The following NPAS3 variants were observed in gnomAD, a reference collection of about 807,000 sequenced individuals.
NPAS3 encodes neuronal PAS domain protein 3, also known as neuronal PAS domain-containing protein 3.
In NPAS3, 14 loss-of-function variants were observed where a neutral mutation model predicts 73.1. That is an observed-to-expected ratio of 0.19 (90% CI 0.13 to 0.30). The LOEUF (loss-of-function observed/expected upper bound fraction) is 0.30. Ranked by LOEUF, NPAS3 falls within the 10% of genes least tolerant of loss-of-function variation. The probability of loss-of-function intolerance (pLI) is 1.00; values close to 1 mark genes in which losing one functional copy is unlikely to be tolerated. For synonymous variants in NPAS3, 620 were observed against 541.5 expected (o/e 1.14, Z -2.01); for missense variants, 1,096 against 1,250.0 (o/e 0.88, Z 1.86).
chr14:33,795,306 A>G (rs1361033434), intron 10 of NPAS3, among the ~76,000 whole-genome samples: 5 of 152,140 alleles, frequency 3.3e-5, no homozygotes, highest in Non-Finnish European at 7.4e-5. Flanking sequence ...TCTAAAGGTA[A>G]AAGTATGTGT....
chr14:33,576,050 A>G (rs1195393006), intron 5 of NPAS3, among the ~76,000 whole-genome samples: 1 of 152,148 alleles, frequency 6.6e-6, no homozygotes, highest in Non-Finnish European at 1.5e-5. Context: ...TTTTACAAAT[A>G]TTTAAATGGA....
chr14:33,158,247 A>T (rs1458229008), intron 2 of NPAS3, among the ~76,000 whole-genome samples: 2 of 152,138 alleles, frequency 1.3e-5, no homozygotes, highest in Non-Finnish European at 2.9e-5. Flanking sequence ...AGAAAGTTGA[A>T]TTTTTAGGCC....
chr14:33,207,788 A>G (rs1470455327), intron 2 of NPAS3, among the ~76,000 whole-genome samples: 1 of 152,200 alleles, frequency 6.6e-6, no homozygotes, highest in Non-Finnish European at 1.5e-5. Context: ...GCAGAGCCAC[A>G]AAAGCAATTG....
rs559025492 is a variant in NPAS3, at chr14:33,316,669, C to G, written c.386-50517C>G. Among the ~76,000 whole-genome samples, 13 of 152,186 alleles carry G rather than the reference C, an allele frequency of 8.5e-5. 1 individual carries two copies. In the South Asian group the frequency reaches 2.7e-3, roughly 32 times the overall value. On this transcript the variant is annotated intron_variant, in intron 3 of 11. Coordinates refer to ENST00000356141, the Ensembl canonical transcript of NPAS3. The stretch of plus-strand genomic sequence containing the variant: ...TGAGTATCATGAGGAGAGGCACACC[C>G]TATCTTAACTACCACTAGAAAAAAG...
intron 1 of NPAS3, among the ~76,000 whole-genome samples, chr14:33,027,129 C>T (rs2039832167): frequency 1.3e-5 from 2 of 152,200 alleles, no homozygotes; most frequent in African/African-American, 2.4e-5. Flanking sequence ...ATCATAGCCT[C>T]TAGCCTGGAC....
chr14:33,735,077 G>A, intron 6 of NPAS3, 137 bp from the exon 7 acceptor site: 1 of 656,412 alleles, frequency 1.5e-6, no homozygotes, highest in South Asian at 2.0e-5. Flanking sequence ...TTCTAAATGA[G>A]GTAAATTGAT....
chr14:33,178,330 C>T (rs1180976373), intron 2 of NPAS3, among the ~76,000 whole-genome samples: 1 of 152,056 alleles, frequency 6.6e-6, no homozygotes, highest in Non-Finnish European at 1.5e-5. Context: ...GCCTCGGCCT[C>T]CCAAAATGCT....
At chr14:33,608,945 A>C (rs2057663360) in intron 5 of NPAS3, among the ~76,000 whole-genome samples, 1 of 152,180 alleles carries the variant, frequency 6.6e-6, no homozygotes, top group South Asian at 2.1e-4. Context: ...CTAAAGAAAA[A>C]GTTCTCAAGG....
intron 5 of NPAS3, among the ~76,000 whole-genome samples, chr14:33,566,958 C>T (rs945129016): frequency 3.5e-4 from 54 of 152,342 alleles, no homozygotes; most frequent in African/African-American, 1.2e-3. Context: ...TTGATAGAAT[C>T]CACAGGGCTT....
At chr14:33,427,300 C>A (rs1594888333) in intron 4 of NPAS3, among the ~76,000 whole-genome samples, 1 of 149,118 alleles carries the variant, frequency 6.7e-6, no homozygotes, top group South Asian at 2.1e-4. Flanking sequence ...CAAGCCTGTT[C>A]TCTCTGCCAC....
intron 7 of NPAS3, among the ~76,000 whole-genome samples, chr14:33,750,974 G>A (rs114506583): frequency 0.04 from 6,049 of 152,218 alleles, 189 homozygotes; most frequent in African/African-American, 0.083. Flanking sequence ...GAGATATGAA[G>A]GAAGGGAACT....
chr14:33,315,609 GTACTA>G (rs1237026601), intron 3 of NPAS3, among the ~76,000 whole-genome samples: 6 of 151,862 alleles, frequency 4.0e-5, no homozygotes, highest in African/African-American at 1.4e-4. Flanking sequence ...GAGATGCAGA[GTACTA>G]TAGGTGAACA....
chr14:33,725,565 A>T (rs1401937241), intron 6 of NPAS3, among the ~76,000 whole-genome samples: 3 of 152,082 alleles, frequency 2.0e-5, no homozygotes, highest in Non-Finnish European at 2.9e-5. Context: ...TATTCTCAGA[A>T]TTCACCCTCT....
chr14:33,050,769 T>C (rs2040675799), intron 1 of NPAS3, among the ~76,000 whole-genome samples: 1 of 152,218 alleles, frequency 6.6e-6, no homozygotes, highest in East Asian at 1.9e-4. Flanking sequence ...TTTCAGCCTA[T>C]AGTTTATAAA....
rs143334473 is a variant in NPAS3, at chr14:33,457,870, A to G, written c.468+90602A>G. ...GGCAGCACCCTGGCCAACCCCCTGG[A>G]CACCCCTTGTTTGCAGGAACCTGTG... On this transcript the variant is annotated intron_variant, in intron 4 of 11. Transcript: ENST00000356141. 3.6e-3 allele frequency among the ~76,000 whole-genome samples: 552 copies of G among 152,218 alleles called. 5 individuals carry two copies. The highest frequency in any genetic ancestry group is 0.013 in the African/African-American group (534 of 41,526).
chr14:33,337,568 G>T (rs1365781784), intron 3 of NPAS3, among the ~76,000 whole-genome samples: 1 of 151,908 alleles, frequency 6.6e-6, no homozygotes, highest in Non-Finnish European at 1.5e-5. Context: ...CACTATTCTA[G>T]ATTATTTGTA....
exon 2 of NPAS3, chr14:33,055,929 C>T (rs1437672355): frequency 1.2e-6 from 1 of 810,136 alleles, no homozygotes; most frequent in Non-Finnish European, 2.1e-6. Context: ...ATCCTCTGCC[C>T]AACCAATCAG....
intron 3 of NPAS3, among the ~76,000 whole-genome samples, chr14:33,295,445 C>A (rs2042257733): frequency 6.6e-6 from 1 of 152,196 alleles, no homozygotes; most frequent in South Asian, 2.1e-4. Flanking sequence ...TGTCTTCCCT[C>A]AGCCTTCTAG....
intron 4 of NPAS3, among the ~76,000 whole-genome samples, chr14:33,549,962 T>C (rs190886986): frequency 3.3e-5 from 5 of 152,284 alleles, no homozygotes; most frequent in Admixed American, 3.3e-4. Context: ...TTCCAGTTTC[T>C]CTTTTCACTT....
Sources: gnomAD v4.1 joint callset for allele counts (sites outside exome capture counted in the v4.1 genomes callset) on GRCh38, gnomAD v4.1.1 for gene constraint, MANE v1.5 for transcripts, NCBI Gene and HGNC (gene_info 2026-07-23, HGNC 2026-07-21) for gene names.